Variants in BRSK2 observed in about 807,000 individuals in gnomAD.
BRSK2 encodes BR serine/threonine kinase 2.
Under a neutral mutation model 83.3 loss-of-function variants are expected in BRSK2, and 19 were observed. The ratio of observed to expected loss-of-function variants is 0.23; its 90% CI spans 0.16 to 0.33. BRSK2 has a LOEUF of 0.33. BRSK2 is among the 10% of genes least tolerant of loss of function. The pLI is 1.00. For missense variants in BRSK2, 798 were observed against 1,042.3 expected (o/e 0.77, Z 3.23); for synonymous variants, 519 against 435.4 (o/e 1.19, Z -2.39).
In BRSK2 at chr11:1,449,761, C is replaced by T. The variant is rs535099251; in HGVS notation, c.1227-15C>T. ...CCCCTGGCTGAGCAGTGGCCCTGTA[C>T]CTTGTGACCTCCAGGTCTCGGTCCA... On this transcript the variant is annotated splice_polypyrimidine_tract_variant and intron_variant, in intron 12 of 19. Coordinates refer to ENST00000528841, the MANE Select transcript of BRSK2 (RefSeq NM_001256627.2). 63 of 1,611,000 alleles carry T rather than the reference C, an allele frequency of 3.9e-5. No individual in the cohort carries two copies. In the African/African-American group the frequency reaches 7.5e-4, roughly 19 times the overall value.
rs376474834 is a variant in BRSK2, at chr11:1,456,547, G to T, written c.1849+19G>T. On this transcript the variant is annotated intron_variant, in intron 17 of 19. Coordinates refer to ENST00000528841, the MANE Select transcript of BRSK2 (RefSeq NM_001256627.2). ...CTCTCAGGTGAGCTGGCGCCCCCAGGGCGGCTCCGGGCCCAGGCCCGTCCA... is the reference window on the plus strand; with the variant it reads ...CTCTCAGGTGAGCTGGCGCCCCCAGTGCGGCTCCGGGCCCAGGCCCGTCCA... The T allele has an allele frequency of 2.5e-6, 4 of 1,597,012 alleles. No homozygotes were observed. In the African/African-American group the frequency reaches 5.4e-5, roughly 21 times the overall value.
At chr11:1,401,347 G>A (rs1370031832) in intron 1 of BRSK2, among the ~76,000 whole-genome samples, 2 of 152,246 alleles carry the variant, frequency 1.3e-5, no homozygotes, top group Admixed American at 6.5e-5. Flanking sequence ...CGGGGTGCGG[G>A]TGCCCTCCTG....
At position 1,460,567 on chromosome 11, in the gene BRSK2, G is replaced by A. The variant is rs1207514007; in HGVS notation, c.2055G>A (p.Ala685=). 2.0e-6 allele frequency: 3 copies of A among 1,531,028 alleles called. No homozygotes were observed. Among genetic ancestry groups the A allele is most frequent in the South Asian group, 1.2e-5 (1 of 83,670 alleles). 94.8% of individuals were successfully genotyped at this position (1,531,028 alleles called of 1,614,324 possible). Residue 685 remains alanine (A), a synonymous_variant, in exon 20 of 20, where the codon GCG becomes GCA. Coordinates refer to ENST00000528841, the MANE Select transcript of BRSK2 (RefSeq NM_001256627.2). ...QLFSDEKNGQ[A]AQAPSTPAKR... is the part of the protein sequence containing the mutation. The stretch of plus-strand genomic sequence containing the variant: ...TTTCAGACGAGAAGAACGGGCAGGC[G>A]GCCCAGGCCCCCAGCACGCCCGCCA...
chr11:1,450,534 G>C, intron 13 of BRSK2, 53 bp from the exon 14 acceptor site: 1 of 916,256 alleles, frequency 1.1e-6, no homozygotes, highest in South Asian at 1.6e-5. Context: ...GTGCCCCCCC[G>C]GCCCCCACCC....
intron 1 of BRSK2, among the ~76,000 whole-genome samples, chr11:1,420,158 G>A (rs868106402): frequency 2.2e-4 from 34 of 152,362 alleles, no homozygotes; most frequent in Middle Eastern, 3.4e-3. Flanking sequence ...GTGTGCGTGC[G>A]TGCATGTGTG....
chr11:1,450,193 C>T (rs1845641016), intron 13 of BRSK2, among the ~76,000 whole-genome samples: 1 of 151,992 alleles, frequency 6.6e-6, no homozygotes, highest in Admixed American at 6.5e-5. Flanking sequence ...CTGCCCCCAC[C>T]CCGCTCGCTC....
At chr11:1,410,476 A>T in intron 1 of BRSK2, 1 of 985,516 alleles carries the variant, frequency 1.0e-6, no homozygotes, top group Non-Finnish European at 1.2e-6. Context: ...CAGCGTAGTC[A>T]TGCTGCTGTG....
chr11:1,445,644 G>T lies in BRSK2; in HGVS notation c.1051G>T (p.Asp351Tyr). The T allele has an allele frequency of 6.3e-7, 1 of 1,591,020 alleles. No homozygotes were observed. Among genetic ancestry groups the T allele is most frequent in the Non-Finnish European group, 8.6e-7 (1 of 1,169,130 alleles). ...KERYPSQEDEDLPPRNEIDPP... is the reference protein window; with the variant it reads ...KERYPSQEDEYLPPRNEIDPP... ...AAGGTACCCGAGCCAGGAGGATGAGGACCTGCCCCCCCGGAACGAGATAGG... is the reference window on the plus strand; with the variant it reads ...AAGGTACCCGAGCCAGGAGGATGAGTACCTGCCCCCCCGGAACGAGATAGG... The change falls in exon 11 of 20, where the codon GAC becomes TAC. Residue 351 changes from aspartate to tyrosine, a missense_variant. Asp to Tyr is a radical substitution (Grantham distance 160). This residue lies in a region of BRSK2 where 145 missense variants were observed against 225.4 expected (regional missense o/e 0.64). Transcript: ENST00000528841.
intron 1 of BRSK2, chr11:1,411,696 G>A (rs1388320465): frequency 6.5e-7 from 1 of 1,531,208 alleles, no homozygotes; most frequent in East Asian, 2.5e-5. Flanking sequence ...CATGTGTGAG[G>A]GATGCAGCCC....
intron 1 of BRSK2, among the ~76,000 whole-genome samples, chr11:1,402,415 C>G (rs763120324): frequency 6.6e-6 from 1 of 152,216 alleles, no homozygotes; most frequent in Non-Finnish European, 1.5e-5. Flanking sequence ...GAGCTACTGC[C>G]GCAAACTCAG....
chr11:1,445,995 GGGGTC>G, intron 12 of BRSK2, 88 bp downstream of exon 12: 2 of 1,479,452 alleles, frequency 1.4e-6, no homozygotes, highest in Non-Finnish European at 1.8e-6. Flanking sequence ...CCATTGGCCT[GGGGTC>G]TCGGCTGAGG....
chr11:1,436,370 G>A (rs1406700195), intron 2 of BRSK2, among the ~76,000 whole-genome samples: 1 of 152,128 alleles, frequency 6.6e-6, no homozygotes, highest in African/African-American at 2.4e-5. Context: ...GGGCACCCCT[G>A]AGGGGACAGG....
intron 3 of BRSK2, among the ~76,000 whole-genome samples, chr11:1,439,100 G>A (rs548428136): frequency 3.9e-5 from 6 of 152,282 alleles, no homozygotes; most frequent in South Asian, 2.1e-4. Flanking sequence ...CCAGGGCGGC[G>A]GCGTGACCTG....
At position 1,460,803 on chromosome 11, in the gene BRSK2, C is replaced by T. The variant is rs970513584; in HGVS notation, c.*80C>T. The stretch of plus-strand genomic sequence containing the variant: ...CCGCCCGCCCTGCCCCGAGTGGACC[C>T]GCGGCCGCGCCGCCCGTCCGTCCAG... On this transcript the variant is annotated 3_prime_UTR_variant, in exon 20 of 20. Coordinates refer to ENST00000528841, the MANE Select transcript of BRSK2 (RefSeq NM_001256627.2). 5.1e-5 allele frequency: 75 copies of T among 1,474,262 alleles called. No individual in the cohort carries two copies. The highest frequency in any genetic ancestry group is 1.3e-4 in the Admixed American group (5 of 37,128). 91.3% of individuals were successfully genotyped at this position (1,474,262 alleles called of 1,614,324 possible). A position where few individuals can be genotyped will look rare whatever the true frequency, so the allele number is the denominator to read the frequency against.
intron 1 of BRSK2, among the ~76,000 whole-genome samples, chr11:1,397,822 C>G (rs1458281444): frequency 6.6e-6 from 1 of 151,908 alleles, no homozygotes; most frequent in African/African-American, 2.4e-5. Context: ...ATGGACACTT[C>G]TGGGATGGAG....
chr11:1,417,611 A>T (rs1184511248), intron 1 of BRSK2, among the ~76,000 whole-genome samples: 6 of 133,564 alleles, frequency 4.5e-5, no homozygotes, highest in Non-Finnish European at 9.6e-5. Flanking sequence ...TCTTCTCTTG[A>T]GAGTGGGTCA....
intron 19 of BRSK2, 27 bp downstream of exon 19, chr11:1,459,266 A>T (rs574504877): frequency 6.4e-7 from 1 of 1,558,580 alleles, no homozygotes; most frequent in Non-Finnish European, 8.7e-7. Context: ...CTCACCTGGC[A>T]CCTCCACCTG....
chr11:1,399,881 C>G (rs557517392), intron 1 of BRSK2, among the ~76,000 whole-genome samples: 49 of 138,942 alleles, frequency 3.5e-4, no homozygotes, highest in African/African-American at 1.2e-3. Flanking sequence ...GGATGGAGGC[C>G]TCGCTCCGGG....
rs776848691 is a variant in BRSK2, at chr11:1,443,575, G to A, written c.720G>A (p.Pro240=). 9.3e-6 allele frequency: 15 copies of A among 1,610,156 alleles called. No homozygotes were observed. The highest frequency in any genetic ancestry group is 5.3e-5 in the African/African-American group (4 of 74,878). ...TGTTCCACATGCCGCACTTTATCCCGCCCGACTGCCAGAGTCTGCTACGGG... is the reference window on the plus strand; with the variant it reads ...TGTTCCACATGCCGCACTTTATCCCACCCGACTGCCAGAGTCTGCTACGGG... ...RGVFHMPHFI[P]PDCQSLLRGM... is the part of the protein sequence containing the mutation. Residue 240 remains proline (P), a synonymous_variant, in exon 8 of 20, where the codon CCG becomes CCA. Transcript: ENST00000528841.
Sources: allele counts gnomAD v4.1 joint callset (sites outside exome capture counted in the v4.1 genomes callset), GRCh38; gene constraint gnomAD v4.1.1; regional missense constraint gnomAD v4.1.1; transcripts MANE v1.5; gene names NCBI Gene and HGNC (gene_info 2026-07-23, HGNC 2026-07-21).